Variants in ADARB2 observed in about 807,000 individuals in gnomAD.
ADARB2 encodes the protein inactive double-stranded RNA-specific editase B2.
In ADARB2, 25 loss-of-function variants were observed where a neutral mutation model predicts 62.2. That is an observed-to-expected ratio of 0.40 (90% CI 0.29 to 0.56). ADARB2 has a LOEUF of 0.56. Ranked by LOEUF, ADARB2 falls within the 20% of genes least tolerant of loss-of-function variation. The pLI is 0.43. For missense variants in ADARB2, 1,071 were observed against 1,077.4 expected (o/e 0.99, Z 0.08); for synonymous variants, 572 against 500.8 (o/e 1.14, Z -1.90).
chr10:1,571,590 C>G (rs1238418310), intron 1 of ADARB2, among the ~76,000 whole-genome samples: 1 of 152,222 alleles, frequency 6.6e-6, no homozygotes, highest in Non-Finnish European at 1.5e-5. Context: ...CCTCTTTCAT[C>G]TCCCCTTTCA....
At chr10:1,535,367 C>T (rs941643891) in intron 1 of ADARB2, among the ~76,000 whole-genome samples, 2 of 152,082 alleles carry the variant, frequency 1.3e-5, no homozygotes, top group Admixed American at 6.5e-5. Context: ...CTCCGTGTGC[C>T]AGTGCAGCTG....
At chr10:1,589,453 T>C (rs758870831) in intron 1 of ADARB2, among the ~76,000 whole-genome samples, 24 of 149,072 alleles carry the variant, frequency 1.6e-4, no homozygotes, top group Non-Finnish European at 3.1e-4. Context: ...ATGGTCGGGG[T>C]GTCCATGGTT....
chr10:1,679,013 T>C (rs1834503401), intron 1 of ADARB2, among the ~76,000 whole-genome samples: 1 of 152,182 alleles, frequency 6.6e-6, no homozygotes. Flanking sequence ...AGTTCTCCTG[T>C]CCTTTCCCAT....
At chr10:1,658,725 C>T (rs1834204793) in intron 1 of ADARB2, among the ~76,000 whole-genome samples, 1 of 152,260 alleles carries the variant, frequency 6.6e-6, no homozygotes, top group African/African-American at 2.4e-5. Context: ...CAGAACAGAG[C>T]CTCCAACCTG....
chr10:1,692,217 A>G (rs1834682806), intron 1 of ADARB2, among the ~76,000 whole-genome samples: 1 of 152,240 alleles, frequency 6.6e-6, no homozygotes, highest in Non-Finnish European at 1.5e-5. Context: ...GACATTTAAA[A>G]TTCTCAGTAG....
intron 8 of ADARB2, among the ~76,000 whole-genome samples, chr10:1,197,174 C>T (rs1836922537): frequency 6.6e-6 from 1 of 152,118 alleles, no homozygotes; most frequent in Non-Finnish European, 1.5e-5. Context: ...TGTTATTTTG[C>T]AAAATACTCT....
intron 1 of ADARB2, among the ~76,000 whole-genome samples, chr10:1,551,795 G>A (rs544044078): frequency 3.3e-5 from 5 of 152,270 alleles, no homozygotes; most frequent in Admixed American, 1.3e-4. Flanking sequence ...CCGGGCTTCC[G>A]GCTCTGAATG....
chr10:1,447,833 G>T (rs960208730), intron 1 of ADARB2, among the ~76,000 whole-genome samples: 1 of 152,088 alleles, frequency 6.6e-6, no homozygotes, highest in East Asian at 1.9e-4. Context: ...TGTGGTATTT[G>T]GTTTTCTGTT....
chr10:1,348,804 T>A (rs1832106268), intron 3 of ADARB2, among the ~76,000 whole-genome samples: 1 of 152,166 alleles, frequency 6.6e-6, no homozygotes. Flanking sequence ...TGAGTGCCCA[T>A]GCACCCCAGG....
At chr10:1,352,008 C>T (rs1047883137) in intron 3 of ADARB2, among the ~76,000 whole-genome samples, 4 of 150,920 alleles carry the variant, frequency 2.7e-5, no homozygotes, top group African/African-American at 7.4e-5. Context: ...TATTCCTTTG[C>T]ACCCTTCATC....
intron 9 of ADARB2, among the ~76,000 whole-genome samples, chr10:1,184,570 C>T (rs1028028416): frequency 1.1e-4 from 16 of 152,236 alleles, no homozygotes; most frequent in African/African-American, 2.7e-4. Context: ...TGGGACACCC[C>T]GAACAAAGCA....
intron 1 of ADARB2, among the ~76,000 whole-genome samples, chr10:1,532,248 C>T (rs2813458): frequency 0.74 from 112,175 of 152,068 alleles, 43,101 homozygotes; most frequent in Non-Finnish European, 0.83. Context: ...TGATGCTTTC[C>T]CCCTTGAAGA....
intron 1 of ADARB2, among the ~76,000 whole-genome samples, chr10:1,553,591 G>A (rs781392010): frequency 6.6e-6 from 1 of 152,152 alleles, no homozygotes. Context: ...CGAGGAGGCC[G>A]GCTCCGTCTT....
intron 6 of ADARB2, among the ~76,000 whole-genome samples, chr10:1,231,890 G>T (rs976115655): frequency 6.6e-6 from 1 of 152,176 alleles, no homozygotes; most frequent in South Asian, 2.1e-4. Context: ...GGCTAAGCTC[G>T]TGTGAGATTA....
At chr10:1,232,815 T>C (rs974442248) in intron 6 of ADARB2, among the ~76,000 whole-genome samples, 1 of 151,356 alleles carries the variant, frequency 6.6e-6, no homozygotes, top group East Asian at 1.9e-4. Context: ...TGTAGTGATA[T>C]GCATGTGCTA....
intron 4 of ADARB2, among the ~76,000 whole-genome samples, chr10:1,264,974 T>C (rs1389125698): frequency 6.6e-6 from 1 of 152,248 alleles, no homozygotes; most frequent in Non-Finnish European, 1.5e-5. Flanking sequence ...CCTAATGTAC[T>C]CTAGAAAACT....
intron 1 of ADARB2, among the ~76,000 whole-genome samples, chr10:1,476,267 G>T (rs1831399442): frequency 1.3e-5 from 2 of 152,312 alleles, no homozygotes; most frequent in South Asian, 4.1e-4. Flanking sequence ...TGCCTCAGGT[G>T]GGGGCCAGTG....
At chr10:1,271,385 T>A (rs913420810) in intron 3 of ADARB2, among the ~76,000 whole-genome samples, 1 of 152,230 alleles carries the variant, frequency 6.6e-6, no homozygotes, top group African/African-American at 2.4e-5. Context: ...GAGCAGTGAC[T>A]GGAGGAGTCT....
intron 1 of ADARB2, among the ~76,000 whole-genome samples, chr10:1,676,824 G>A (rs1043418468): frequency 6.6e-6 from 1 of 151,808 alleles, no homozygotes; most frequent in Non-Finnish European, 1.5e-5. Flanking sequence ...AGGAAGTGAA[G>A]TGATGGTCAC....
Sources: gnomAD v4.1 joint callset for allele counts (sites outside exome capture counted in the v4.1 genomes callset) on GRCh38, gnomAD v4.1.1 for gene constraint, MANE v1.5 for transcripts, NCBI Gene and HGNC (gene_info 2026-07-23, HGNC 2026-07-21) for gene names.